OBSL1: variants seen among roughly 807,000 people sequenced by gnomAD.
The protein encoded by OBSL1 is obscurin like cytoskeletal adaptor 1.
A neutral mutation model predicts 172.0 loss-of-function variants in OBSL1; 160 were observed. That is an observed-to-expected ratio of 0.93 (90% CI 0.82 to 1.06). The LOEUF is 1.06. Among genes scored for constraint, OBSL1 ranks in the 50% least tolerant of loss-of-function variants. The probability of loss-of-function intolerance (pLI) is 0.00; values close to 1 mark genes in which losing one functional copy is unlikely to be tolerated. For synonymous variants in OBSL1, 1,200 were observed against 1,196.3 expected, an observed-to-expected ratio of 1.00 and a Z score of -0.06; for missense variants, 2,681 against 2,715.4, an observed-to-expected ratio of 0.99 and a Z score of 0.28.
Position 219,559,488 on chromosome 2 carries a change from A to C in OBSL1, c.2963T>G (p.Val988Gly). ...SFTVTVTEPPVRIIYPRDEVT... is the reference protein window; with the variant it reads ...SFTVTVTEPPGRIIYPRDEVT... ...CTCATCGCGAGGGTATATGATCCGC[A>C]CTGGGGGTTCTGCAGGGTGGGGACA... Residue 988 changes from valine to glycine, a missense_variant, in exon 9 of 21, where the codon GTG (valine) becomes GGG (glycine). By Grantham distance (109) the Val-to-Gly change is moderately radical. This residue lies in a region of OBSL1 where 1,765 missense variants were observed against 1,748.3 expected (regional missense o/e 1.01). Transcript: ENST00000404537. The C allele has an allele frequency of 6.2e-7, 1 of 1,608,766 alleles. No individual in the cohort carries two copies. Among genetic ancestry groups the C allele is most frequent in the Non-Finnish European group, 8.5e-7 (1 of 1,175,510 alleles).
rs754864227 is a variant in OBSL1, at chr2:219,552,193, T to G, written c.5332A>C (p.Ser1778Arg). Residue 1778 changes from serine to arginine, a missense_variant, in exon 19 of 21, where the codon AGC (serine) becomes CGC (arginine). Ser to Arg is a moderately radical substitution (Grantham distance 110). This residue lies in a region of OBSL1 where 1,765 missense variants were observed against 1,748.3 expected (regional missense o/e 1.01). Coordinates refer to ENST00000404537, the MANE Select transcript of OBSL1 (RefSeq NM_015311.3). ...CCGGCGTCCTCGGCGCGCAGCTCGC[T>G]AAGCACCAGAATGTGTTTCTTCCCT... ...QEGKKHILVL[S>R]ELRAEDAGEV... 3 of 1,608,702 alleles carry G rather than the reference T, an allele frequency of 1.9e-6. No individual in the cohort carries two copies. Among genetic ancestry groups the G allele is most frequent in the Non-Finnish European group, 2.5e-6 (3 of 1,178,062 alleles).
chr2:219,562,634 A>T lies in OBSL1; in HGVS notation c.2721T>A (p.Tyr907Ter). 6.3e-7 allele frequency: 1 copy of T among 1,579,368 alleles called. No individual in the cohort carries two copies. The highest frequency in any genetic ancestry group is 1.1e-5 in the South Asian group (1 of 87,262). ...SWIVYPSGKV[Y>*]VAAVRLERVV... Reference sequence around the variant, plus strand: ...CACGCTCCAGGCGCACGGCTGCCACATACACCTTGCCGCTGGGATACACGA... The same window carrying T: ...CACGCTCCAGGCGCACGGCTGCCACTTACACCTTGCCGCTGGGATACACGA... Residue 907 changes from tyrosine (Y) to a stop codon, truncating the protein, a stop_gained, in exon 8 of 21, where the codon TAT (tyrosine) becomes TAA (stop). Coordinates refer to ENST00000404537, the MANE Select transcript of OBSL1 (RefSeq NM_015311.3). LOFTEE classifies it high-confidence loss of function.
downstream of OBSL1, among the ~76,000 whole-genome samples, chr2:219,548,511 G>C (rs144345037): frequency 1.9e-3 from 293 of 152,328 alleles, no homozygotes; most frequent in African/African-American, 6.8e-3. Flanking sequence ...TGATATGTAA[G>C]CAGGCACTTG....
chr2:219,567,083 T>G lies in OBSL1; in HGVS notation c.1881A>C (p.Val627=), dbSNP rs759497489. The G allele has an allele frequency of 1.4e-5, 23 of 1,613,208 alleles. No individual in the cohort carries two copies. The African/African-American group carries it at 2.5e-4, about 18-fold the overall frequency. ...AGAAGACGGCATCTTCCCCGTCGTATACCTGCACATCCTCCAGACCTGCCA... is the reference window on the plus strand; with the variant it reads ...AGAAGACGGCATCTTCCCCGTCGTAGACCTGCACATCCTCCAGACCTGCCA... ...RLVAGLEDVQ[V]YDGEDAVFSL... Residue 627 remains valine, a synonymous_variant, in exon 5 of 21, where the codon GTA becomes GTC. Transcript: ENST00000404537.
downstream of OBSL1, chr2:219,547,555 C>T (rs142065586): frequency 6.8e-7 from 1 of 1,465,692 alleles, no homozygotes; most frequent in Non-Finnish European, 9.0e-7. Flanking sequence ...TGCTGTTTGG[C>T]TCGGTGGTCA....
At chr2:219,553,990 G>A (rs915658144) in intron 15 of OBSL1, among the ~76,000 whole-genome samples, 2 of 151,832 alleles carry the variant, frequency 1.3e-5, no homozygotes, top group Non-Finnish European at 2.9e-5. Context: ...CCAGTGGAGT[G>A]GTCAGTGGGA....
chr2:219,550,659 A>G, downstream of OBSL1: 1 of 767,528 alleles, frequency 1.3e-6, no homozygotes, highest in Admixed American at 2.6e-5. Flanking sequence ...CTCGGTCCCC[A>G]GTGTCGCTCA....
At position 219,568,006 on chromosome 2, in the gene OBSL1, G is replaced by A. The variant is rs376292829; in HGVS notation, c.1283-37C>T. The A allele has an allele frequency of 4.0e-5, 64 of 1,609,024 alleles. No homozygotes were observed. Among genetic ancestry groups the A allele is most frequent in the Non-Finnish European group, 5.4e-5 (63 of 1,176,128 alleles). On this transcript the variant is annotated intron_variant, in intron 2 of 20. Transcript: ENST00000404537. The surrounding 1 kb of genome is among the most constrained non-coding windows in gnomAD (Gnocchi z 4.1). ...ACAGGAATCCATCAACCTGGAATCT[G>A]AGCACCTGCCTGCCTCCGCCTCAGC...
intron 8 of OBSL1, among the ~76,000 whole-genome samples, chr2:219,560,023 A>C (rs1278082723): frequency 6.6e-6 from 1 of 152,254 alleles, no homozygotes; most frequent in Non-Finnish European, 1.5e-5. Flanking sequence ...AGAGTTTTGG[A>C]ATTTTGGAAC....
chr2:219,564,673 A>G (rs1484281531), intron 6 of OBSL1, among the ~76,000 whole-genome samples: 1 of 152,236 alleles, frequency 6.6e-6, no homozygotes, highest in Non-Finnish European at 1.5e-5. Context: ...TGTGCGTGGC[A>G]CACACCTATA....
chr2:219,560,891 C>A (rs546379445), intron 8 of OBSL1, among the ~76,000 whole-genome samples: 1 of 152,280 alleles, frequency 6.6e-6, no homozygotes, highest in South Asian at 2.1e-4. Context: ...GGTGGCTGCC[C>A]AGCCCCGGGA....
At chr2:219,555,111 C>T in intron 14 of OBSL1, 1 of 246,700 alleles carries the variant, frequency 4.1e-6, no homozygotes, top group Non-Finnish European at 7.9e-6. Flanking sequence ...ATGGCCTGAC[C>T]TCTCTGGACC....
In OBSL1 at chr2:219,560,052, G is replaced by A. The variant is rs117284424; in HGVS notation, c.2954-555C>T. Among the ~76,000 whole-genome samples, 992 of 152,300 alleles carry A rather than the reference G, an allele frequency of 6.5e-3. 23 individuals are homozygous for A. The East Asian group carries it at 0.099, about 15-fold the overall frequency. ...TTGGAACCATGGATAAGGGATGGTG[G>A]ATCTACAATAGCAAACATTGATATG... On this transcript the variant is annotated intron_variant, in intron 8 of 20. Coordinates refer to ENST00000404537, the MANE Select transcript of OBSL1 (RefSeq NM_015311.3).
At position 219,559,279 on chromosome 2, in the gene OBSL1, C is replaced by T. The variant is rs759912848; in HGVS notation, c.3172G>A (p.Glu1058Lys). The T allele has an allele frequency of 1.9e-5, 31 of 1,613,440 alleles. No individual in the cohort carries two copies. Among genetic ancestry groups the T allele is most frequent in the Middle Eastern group, 1.6e-4 (1 of 6,082 alleles). ...LPAAQPEDGG[E>K]FVCDAGDDSA... is the part of the protein sequence containing the mutation. ...TCATCTCCAGCATCACATACAAACT[C>T]GCCCCCGTCCTCGGGCTGAGCAGCA... Residue 1058 changes from glutamate (E) to lysine (K), a missense_variant, in exon 9 of 21, where the codon GAG (glutamate) becomes AAG (lysine). Glu to Lys is a moderately conservative substitution (Grantham distance 56). This residue lies in a region of OBSL1 where 1,765 missense variants were observed against 1,748.3 expected (regional missense o/e 1.01). Transcript: ENST00000404537.
chr2:219,547,975 A>C (rs375371532), downstream of OBSL1: 1 of 1,587,236 alleles, frequency 6.3e-7, no homozygotes, highest in East Asian at 2.3e-5. Flanking sequence ...CTGTGCCCCC[A>C]CTCTGCTGGC....
intron 20 of OBSL1, 92 bp from the exon 21 acceptor site, chr2:219,550,934 G>A: frequency 6.4e-7 from 1 of 1,559,798 alleles, no homozygotes; most frequent in Non-Finnish European, 8.7e-7. Flanking sequence ...TACACAAAGA[G>A]CTGGGCCCCC....
Position 219,563,343 on chromosome 2 carries a change from C to T in OBSL1, c.2680+12G>A, listed in dbSNP as rs148371014. 4.7e-4 allele frequency: 730 copies of T among 1,551,548 alleles called. 3 individuals carry two copies. The African/African-American group carries it at 9.2e-3, about 19-fold the overall frequency. ...CTTCCCCTGTGCCTCCGAGGCCCAC[C>T]TGGCCCCCCACCTGTGATGGTGACA... On this transcript the variant is annotated intron_variant, in intron 7 of 20. Coordinates refer to ENST00000404537, the MANE Select transcript of OBSL1 (RefSeq NM_015311.3).
In OBSL1 at chr2:219,571,017, G is replaced by C; in HGVS notation, c.216C>G (p.Thr72=). ...CCCCCGCGTCGGTGGGCAGTGCGGC[G>C]GTCAGCAGCAGGCCGTGCTCCGCGC... ...ADGAEHGLLL[T]AALPTDAGVY... Residue 72 remains threonine, a synonymous_variant, in exon 1 of 21, where the codon ACC becomes ACG. Transcript: ENST00000404537. 1 of 1,438,608 alleles carries C rather than the reference G, an allele frequency of 7.0e-7. No homozygotes were observed. The highest frequency in any genetic ancestry group is 9.1e-7 in the Non-Finnish European group (1 of 1,096,828). 89.1% of individuals were successfully genotyped at this position (1,438,608 alleles called of 1,614,324 possible).
chr2:219,550,805 A>C lies in OBSL1; in HGVS notation c.*30T>G, dbSNP rs781758803. 8.7e-6 allele frequency: 14 copies of C among 1,608,988 alleles called. No homozygotes were observed. Among genetic ancestry groups the C allele is most frequent in the Non-Finnish European group, 1.0e-5 (12 of 1,177,848 alleles). On this transcript the variant is annotated 3_prime_UTR_variant, in exon 21 of 21. Transcript: ENST00000404537. Reference sequence around the variant, plus strand: ...GGGCAAACGCCTTCCAAGCTGTCCAAGGGCACCCGCCTGGCCTGGTTAGGT... The same window carrying C: ...GGGCAAACGCCTTCCAAGCTGTCCACGGGCACCCGCCTGGCCTGGTTAGGT...
Sources: gnomAD v4.1 joint callset for allele counts (sites outside exome capture counted in the v4.1 genomes callset) on GRCh38, gnomAD v4.1.1 for gene constraint, gnomAD v4.1.1 regional missense constraint, Gnocchi (gnomAD v3.1) non-coding constraint, MANE v1.5 for transcripts, NCBI Gene and HGNC (gene_info 2026-07-23, HGNC 2026-07-21) for gene names.